HTATIP2: variants seen among roughly 807,000 people sequenced by gnomAD.
The protein encoded by HTATIP2 is HIV-1 Tat interactive protein 2.
HTATIP2 carries 26 observed loss-of-function variants against 24.7 expected under a neutral mutation model. The ratio of observed to expected loss-of-function variants is 1.05; its 90% confidence interval spans 0.77 to 1.46. The LOEUF is 1.46. HTATIP2 is among the 40% of genes most tolerant of loss of function. The pLI, the probability that HTATIP2 is intolerant of heterozygous loss-of-function variation, is 0.00. For synonymous variants in HTATIP2, 99 were observed against 113.2 expected (o/e 0.87, Z 0.79); for missense variants, 284 against 289.6 (o/e 0.98, Z 0.14).
chr11:20,382,713 A>G (rs535930073), intron 4 of HTATIP2, among the ~76,000 whole-genome samples: 3 of 152,196 alleles, frequency 2.0e-5, no homozygotes, highest in Admixed American at 2.0e-4. Context: ...TTCTTAGTGT[A>G]TGCAGACAGA....
chr11:20,383,121 G>A lies in HTATIP2; in HGVS notation c.645G>A (p.Val215=). ...TTAGAGCAATGCTGAACAATGTGGT[G>A]AGACCAAGAGACAAGCAGATGGAAC... The part of the protein sequence containing the change: ...TVVRAMLNNV[V]RPRDKQMELL... The change falls in exon 5 of 5, where the codon GTG becomes GTA. Residue 215 remains valine, a synonymous_variant. Coordinates refer to ENST00000451739, the MANE Select transcript of HTATIP2 (RefSeq NM_001098522.2). The A allele has an allele frequency of 3.1e-6, 5 of 1,613,998 alleles. No individual in the cohort carries two copies. Among genetic ancestry groups the A allele is most frequent in the Non-Finnish European group, 4.2e-6 (5 of 1,180,022 alleles).
intron 1 of HTATIP2, among the ~76,000 whole-genome samples, chr11:20,365,895 C>G (rs2064696196): frequency 6.7e-6 from 1 of 148,800 alleles, no homozygotes; most frequent in African/African-American, 2.5e-5. Flanking sequence ...CACTTGAACC[C>G]AGGAGATGGA....
chr11:20,366,684 T>C (rs2064711016), intron 1 of HTATIP2, among the ~76,000 whole-genome samples: 1 of 152,086 alleles, frequency 6.6e-6, no homozygotes, highest in African/African-American at 2.4e-5. Flanking sequence ...ATGCAAATGG[T>C]TCATGGATTG....
chr11:20,369,540 G>C (rs931881736), intron 2 of HTATIP2, among the ~76,000 whole-genome samples: 4 of 152,196 alleles, frequency 2.6e-5, no homozygotes, highest in Non-Finnish European at 1.5e-5. Context: ...CTAGAAGTCT[G>C]AGATCCAGGT....
At chr11:20,381,156 T>G (rs2055244) in intron 3 of HTATIP2, among the ~76,000 whole-genome samples, 3 of 152,008 alleles carry the variant, frequency 2.0e-5, no homozygotes, top group Non-Finnish European at 4.4e-5. Flanking sequence ...AAAAAAAGAA[T>G]GGCCAAGCGC....
intron 3 of HTATIP2, among the ~76,000 whole-genome samples, chr11:20,381,678 C>T (rs1183731719): frequency 6.6e-6 from 1 of 152,066 alleles, no homozygotes; most frequent in Admixed American, 6.5e-5. Flanking sequence ...CATGAAAATG[C>T]ATGCTTTATT....
rs375714821 is a variant in HTATIP2 at position 20,363,775 on chromosome 11, A to AC, written c.-456dup. The AC allele has an allele frequency of 2.4e-3, 2,940 of 1,238,466 alleles. 57 individuals are homozygous for AC. The African/African-American group carries it at 0.04, about 17-fold the overall frequency. The allele number at this position is 1,238,466 out of a possible 1,614,324, so 76.7% of individuals were successfully genotyped here. On this transcript the variant is annotated 5_prime_UTR_variant, in exon 1 of 5. Transcript: ENST00000451739. Reference sequence around the variant, plus strand: ...GTAGGCGCTGTCTCCGTCGCCTCCAACCCCCCCGGTCCGACCAGGGAAGGT... The same window carrying AC: ...GTAGGCGCTGTCTCCGTCGCCTCCAACCCCCCCCGGTCCGACCAGGGAAGGT...
At chr11:20,369,787 T>A (rs1192508685) in intron 2 of HTATIP2, among the ~76,000 whole-genome samples, 4 of 152,190 alleles carry the variant, frequency 2.6e-5, no homozygotes, top group African/African-American at 9.6e-5. Context: ...CCAAATAAGG[T>A]CATATTCTGA....
chr11:20,367,236 T>C lies in HTATIP2; in HGVS notation c.258T>C (p.Asp86=), dbSNP rs77126933. 359 of 1,614,122 alleles carry C rather than the reference T, an allele frequency of 2.2e-4. 2 individuals carry two copies. The East Asian group carries it at 6.7e-3, about 30-fold the overall frequency. ...DDYASAFQGH[D]VGFCCLGTTR... ...ACGCCTCTGCCTTTCAAGGTCATGATGTTGGATTCTGTTGCCTGGGTACCA... is the reference window on the plus strand; with the variant it reads ...ACGCCTCTGCCTTTCAAGGTCATGACGTTGGATTCTGTTGCCTGGGTACCA... The change falls in exon 2 of 5, where the codon GAT becomes GAC. Residue 86 remains aspartate (D), a synonymous_variant. Coordinates refer to ENST00000451739, the MANE Select transcript of HTATIP2 (RefSeq NM_001098522.2).
chr11:20,379,078 CAACAAA>C (rs1379150199), intron 3 of HTATIP2, among the ~76,000 whole-genome samples: 1 of 145,396 alleles, frequency 6.9e-6, no homozygotes, highest in African/African-American at 2.6e-5. Context: ...ACAACAACAA[CAACAAA>C]AACACCAGCT....
chr11:20,382,217 C>A lies in HTATIP2; in HGVS notation c.481C>A (p.Arg161Ser). The A allele has an allele frequency of 6.3e-7, 1 of 1,590,188 alleles. No individual in the cohort carries two copies. The highest frequency in any genetic ancestry group is 8.6e-7 in the Non-Finnish European group (1 of 1,158,434). The change falls in exon 4 of 5, where the codon CGT becomes AGT. Residue 161 changes from arginine (R) to serine (S), a missense_variant. Coordinates refer to ENST00000451739, the MANE Select transcript of HTATIP2 (RefSeq NM_001098522.2). ...EAKVEELKFD[R>S]YSVFRPGVLL... ...CAAGGTTGAAGAATTAAAATTTGAT[C>A]GTTACTCTGTATTTAGGCCTGGGTA... is the stretch of plus-strand genomic sequence containing the variant.
At chr11:20,369,500 C>T (rs946713380) in intron 2 of HTATIP2, among the ~76,000 whole-genome samples, 1 of 152,192 alleles carries the variant, frequency 6.6e-6, no homozygotes, top group African/African-American at 2.4e-5. Flanking sequence ...GCTTGAACAA[C>T]AGAAACGTAT....
chr11:20,363,941 G>A lies in HTATIP2; in HGVS notation c.-297G>A. 8.0e-7 allele frequency: 1 copy of A among 1,244,270 alleles called. No individual in the cohort carries two copies. The highest frequency in any genetic ancestry group is 1.0e-6 in the Non-Finnish European group (1 of 991,318). 77.1% of individuals were successfully genotyped at this position (1,244,270 alleles called of 1,614,324 possible). A position where few individuals can be genotyped will look rare whatever the true frequency, so the allele number is the denominator to read the frequency against. ...ACCCCTCCGCGTATGGGACCGAGCT[G>A]GGCCAGGTCTCCTGGCCGGGCCGGG... On this transcript the variant is annotated 5_prime_UTR_variant, in exon 1 of 5. An upstream open reading frame in the 5' UTR gains an earlier in-frame stop. Transcript: ENST00000451739.
chr11:20,374,768 C>G (rs1370407260), intron 2 of HTATIP2, among the ~76,000 whole-genome samples: 3 of 152,178 alleles, frequency 2.0e-5, no homozygotes, highest in Non-Finnish European at 2.9e-5. Context: ...TGCCAGTTCA[C>G]TAGAACTCTG....
At position 20,383,373 on chromosome 11, in the gene HTATIP2, G is replaced by C; in HGVS notation, c.*168G>C. On this transcript the variant is annotated 3_prime_UTR_variant, in exon 5 of 5. Coordinates refer to ENST00000451739, the MANE Select transcript of HTATIP2 (RefSeq NM_001098522.2). ...CTCTGCATCAGTGGTTCAGAGCCTG[G>C]TTATACATATAGATCACTCAGGGAG... is the stretch of plus-strand genomic sequence containing the variant. The C allele has an allele frequency of 1.6e-6, 1 of 608,718 alleles. No individual in the cohort carries two copies. Among genetic ancestry groups the C allele is most frequent in the Non-Finnish European group, 2.9e-6 (1 of 344,586 alleles). 37.7% of individuals were successfully genotyped at this position (608,718 alleles called of 1,614,324 possible).
intron 2 of HTATIP2, among the ~76,000 whole-genome samples, chr11:20,373,195 G>A (rs2064789714): frequency 6.6e-6 from 1 of 152,164 alleles, no homozygotes; most frequent in South Asian, 2.1e-4. Context: ...AAGTGTGGGG[G>A]TCTCTGCAGC....
chr11:20,375,442 G>A (rs1313494568), intron 2 of HTATIP2, among the ~76,000 whole-genome samples: 1 of 152,124 alleles, frequency 6.6e-6, no homozygotes, highest in Non-Finnish European at 1.5e-5. Context: ...ATGGTGACAT[G>A]TGTCTATAAT....
At chr11:20,367,027 T>C in intron 1 of HTATIP2, 147 bp from the exon 2 acceptor site, 2 of 862,910 alleles carry the variant, frequency 2.3e-6, no homozygotes, top group East Asian at 2.5e-5. Context: ...CATTGCTTTT[T>C]GGTTGGAGAA....
intron 2 of HTATIP2, 58 bp from the exon 3 acceptor site, chr11:20,376,522 A>C (rs1006789787): frequency 6.3e-7 from 1 of 1,598,494 alleles, no homozygotes; most frequent in Non-Finnish European, 8.6e-7. Flanking sequence ...GCCAAGTAGT[A>C]ATCTTTAAGA....
Sources: allele counts gnomAD v4.1 joint callset (sites outside exome capture counted in the v4.1 genomes callset), GRCh38; gene constraint gnomAD v4.1.1; transcripts MANE v1.5; gene names NCBI Gene and HGNC (gene_info 2026-07-23, HGNC 2026-07-21).